Variants in AGBL4 observed in about 807,000 individuals in gnomAD.
The protein encoded by AGBL4 is cytosolic carboxypeptidase 6.
A neutral mutation model predicts 66.4 loss-of-function variants in AGBL4; 58 were observed. The ratio of observed to expected loss-of-function variants is 0.87; its 90% CI spans 0.71 to 1.09. The LOEUF (loss-of-function observed/expected upper bound fraction) is 1.09, where lower values mean the gene tolerates loss of function less well. Among genes scored for constraint, AGBL4 ranks in the 50% least tolerant of loss-of-function variants. The pLI, the probability that AGBL4 is intolerant of heterozygous loss-of-function variation, is 0.00. For missense variants in AGBL4, 579 were observed against 631.0 expected (o/e 0.92, Z 0.88); for synonymous variants, 234 against 222.9 (o/e 1.05, Z -0.44).
At chr1:48,887,229 G>A (rs994892492) in intron 5 of AGBL4, among the ~76,000 whole-genome samples, 6 of 152,102 alleles carry the variant, frequency 3.9e-5, no homozygotes, top group Non-Finnish European at 7.4e-5. Context: ...AAAAGATGAC[G>A]TCTAGGAGGT....
intron 6 of AGBL4, among the ~76,000 whole-genome samples, chr1:48,682,168 C>A (rs1032764965): frequency 2.0e-5 from 3 of 152,156 alleles, no homozygotes; most frequent in Non-Finnish European, 2.9e-5. Flanking sequence ...AACAGCCCTG[C>A]CAATACCTTC....
intron 3 of AGBL4, among the ~76,000 whole-genome samples, chr1:49,347,955 T>C (rs113143724): frequency 1.2e-4 from 18 of 152,290 alleles, no homozygotes; most frequent in Non-Finnish European, 2.2e-4. Context: ...GAACCCTCTC[T>C]TGGGGTCTGG....
At chr1:49,697,783 G>A (rs1445960029) in intron 2 of AGBL4, among the ~76,000 whole-genome samples, 2 of 152,260 alleles carry the variant, frequency 1.3e-5, no homozygotes, top group East Asian at 1.9e-4. Flanking sequence ...ATAGAAAAGT[G>A]AGGATGATAA....
At chr1:49,994,759 T>C (rs1297999938) in intron 1 of AGBL4, 1 of 222,834 alleles carries the variant, frequency 4.5e-6, no homozygotes, top group African/African-American at 2.3e-5. Flanking sequence ...TACAGACCCT[T>C]TGAAGGAAGC....
intron 3 of AGBL4, among the ~76,000 whole-genome samples, chr1:49,277,794 A>G (rs1029271539): frequency 2.6e-5 from 4 of 151,318 alleles, no homozygotes; most frequent in African/African-American, 7.3e-5. Context: ...TCCCACTCCA[A>G]CTTGCCCCAT....
chr1:49,109,475 C>T (rs981074744), intron 4 of AGBL4, among the ~76,000 whole-genome samples: 2 of 152,214 alleles, frequency 1.3e-5, no homozygotes, highest in Non-Finnish European at 2.9e-5. Context: ...AATCCAATCT[C>T]TCACCTTCTC....
chr1:48,909,158 A>T (rs867911054), intron 5 of AGBL4, among the ~76,000 whole-genome samples: 6 of 152,358 alleles, frequency 3.9e-5, no homozygotes, highest in South Asian at 2.1e-4. Context: ...GAGTATGCCC[A>T]AAACAAGGTA....
At chr1:48,997,316 A>G (rs1359974503) in intron 5 of AGBL4, among the ~76,000 whole-genome samples, 5 of 152,178 alleles carry the variant, frequency 3.3e-5, no homozygotes, top group African/African-American at 1.2e-4. Flanking sequence ...CTTAGAGAGG[A>G]ATAAGGACAT....
At chr1:49,282,752 G>T (rs929073354) in intron 3 of AGBL4, among the ~76,000 whole-genome samples, 1 of 152,206 alleles carries the variant, frequency 6.6e-6, no homozygotes, top group Non-Finnish European at 1.5e-5. Flanking sequence ...GTCAAAGAAA[G>T]GGGTGACAGA....
intron 6 of AGBL4, among the ~76,000 whole-genome samples, chr1:48,855,779 T>G (rs1647135670): frequency 6.6e-6 from 1 of 151,994 alleles, no homozygotes; most frequent in Non-Finnish European, 1.5e-5. Flanking sequence ...AGGCTACAGA[T>G]AAAAATTGGA....
chr1:49,759,253 A>G (rs1652125199), intron 2 of AGBL4, among the ~76,000 whole-genome samples: 1 of 152,200 alleles, frequency 6.6e-6, no homozygotes, highest in Non-Finnish European at 1.5e-5. Context: ...GTGATAAAAA[A>G]TGGCTCTTTA....
chr1:49,781,896 G>A (rs1644346477), intron 2 of AGBL4, among the ~76,000 whole-genome samples: 1 of 151,870 alleles, frequency 6.6e-6, no homozygotes, highest in Non-Finnish European at 1.5e-5. Context: ...TAATTAATGG[G>A]TCAAAAAAGA....
intron 5 of AGBL4, among the ~76,000 whole-genome samples, chr1:48,902,649 T>C (rs925073928): frequency 7.2e-5 from 11 of 152,116 alleles, no homozygotes; most frequent in African/African-American, 2.7e-4. Context: ...ATCTCCTTTT[T>C]CACATTCATC....
At chr1:49,237,714 T>G (rs1650899041) in intron 4 of AGBL4, among the ~76,000 whole-genome samples, 1 of 151,820 alleles carries the variant, frequency 6.6e-6, no homozygotes, top group South Asian at 2.1e-4. Flanking sequence ...ACCATGTCAA[T>G]GTTATAATTT....
intron 3 of AGBL4, among the ~76,000 whole-genome samples, chr1:49,484,256 C>T (rs1488130468): frequency 6.6e-6 from 1 of 151,864 alleles, no homozygotes; most frequent in Non-Finnish European, 1.5e-5. Context: ...GGTATATATT[C>T]AAAAGTTGGG....
intron 1 of AGBL4, chr1:49,995,217 C>T (rs1660276820): frequency 2.2e-6 from 1 of 456,234 alleles, no homozygotes; most frequent in Non-Finnish European, 4.4e-6. Flanking sequence ...ATCCTGAAAG[C>T]TGCTTGCTTT....
At chr1:48,781,716 T>G (rs1645296649) in intron 6 of AGBL4, among the ~76,000 whole-genome samples, 1 of 152,222 alleles carries the variant, frequency 6.6e-6, no homozygotes, top group Non-Finnish European at 1.5e-5. Flanking sequence ...AGGTCTTTTT[T>G]ACTTGCACTG....
At chr1:48,813,038 C>T (rs1478071483) in intron 6 of AGBL4, among the ~76,000 whole-genome samples, 1 of 151,760 alleles carries the variant, frequency 6.6e-6, no homozygotes, top group African/African-American at 2.4e-5. Flanking sequence ...TGCAGCACAC[C>T]AACATGGCAC....
chr1:49,458,281 A>G (rs1343748945), intron 3 of AGBL4, among the ~76,000 whole-genome samples: 1 of 151,558 alleles, frequency 6.6e-6, no homozygotes, highest in Non-Finnish European at 1.5e-5. Flanking sequence ...TTGTTTAGGT[A>G]TATTCCTAAG....
Sources: allele counts gnomAD v4.1 joint callset (sites outside exome capture counted in the v4.1 genomes callset), GRCh38; gene constraint gnomAD v4.1.1; transcripts MANE v1.5; gene names NCBI Gene and HGNC (gene_info 2026-07-23, HGNC 2026-07-21).